PAN2: variants seen among roughly 807,000 people sequenced by gnomAD.
The protein encoded by PAN2 is poly(A) specific ribonuclease subunit PAN2.
Under a neutral mutation model 133.3 loss-of-function variants are expected in PAN2, and 68 were observed. The observed-to-expected ratio is 0.51, with a 90% CI of 0.42 to 0.62. The LOEUF is 0.62. Ranked by LOEUF, PAN2 falls within the 20% of genes least tolerant of loss-of-function variation. The probability of loss-of-function intolerance (pLI) is 0.00; values close to 1 mark genes in which losing one functional copy is unlikely to be tolerated. For missense variants in PAN2, 1,042 were observed against 1,500.5 expected (o/e 0.69, Z 5.05); for synonymous variants, 462 against 544.6 (o/e 0.85, Z 2.11).
At chr12:56,332,539 G>A (rs933895218) in intron 2 of PAN2, among the ~76,000 whole-genome samples, 1 of 149,362 alleles carries the variant, frequency 6.7e-6, no homozygotes, top group Admixed American at 6.7e-5. Flanking sequence ...AGGCTGCAGT[G>A]AGCCATGATC....
rs1393715376 is a variant in PAN2 at position 56,328,056 on chromosome 12, G to A, written c.590C>T (p.Pro197Leu). ...QETQKYAVETPGVTIMRQTNR... is the reference protein window; with the variant it reads ...QETQKYAVETLGVTIMRQTNR... ...TGTCTGTCTCATGATGGTGACTCCA[G>A]GCGTCTCTACTGCATACTGGAGAGG... Residue 197 changes from proline to leucine, a missense_variant, in exon 5 of 26, where the codon CCT (proline) becomes CTT (leucine). Around this residue, in one of 3 missense-constraint regions of PAN2, gnomAD observed 908 missense variants for 1,223.5 expected, o/e 0.74. Coordinates refer to ENST00000440411, the MANE Select transcript of PAN2 (RefSeq NM_014871.6). 1 of 1,613,836 alleles carries A rather than the reference G, an allele frequency of 6.2e-7. No homozygotes were observed. Among genetic ancestry groups the A allele is most frequent in the African/African-American group, 1.3e-5 (1 of 74,916 alleles).
Position 56,319,504 on chromosome 12 carries a change from G to T in PAN2, c.3091-17C>A, listed in dbSNP as rs1311422388. 1 of 1,605,840 alleles carries T rather than the reference G, an allele frequency of 6.2e-7. No homozygotes were observed. The highest frequency in any genetic ancestry group is 1.1e-5 in the South Asian group (1 of 90,308). On this transcript the variant is annotated splice_polypyrimidine_tract_variant and intron_variant, in intron 22 of 25. Coordinates refer to ENST00000440411, the MANE Select transcript of PAN2 (RefSeq NM_014871.6). This position sits in a 1 kb window ranked among gnomAD's most constrained non-coding sequence, Gnocchi z 5.4. ...ATCCACCACCTAGGAATAGAGAAAA[G>T]GACAAGCCTTTTTCAGGAAGTGAGA... is the stretch of plus-strand genomic sequence containing the variant.
At chr12:56,321,457 G>A (rs1053437816) in intron 20 of PAN2, among the ~76,000 whole-genome samples, 9 of 149,902 alleles carry the variant, frequency 6.0e-5, no homozygotes, top group Non-Finnish European at 1.2e-4. Context: ...TTGAACTCTT[G>A]AGCTCAAGTG....
chr12:56,326,178 T>C, intron 8 of PAN2, 135 bp downstream of exon 8: 4 of 751,160 alleles, frequency 5.3e-6, no homozygotes, highest in Non-Finnish European at 8.2e-6. Context: ...GAATCCTCCC[T>C]AACACCTAGC....
chr12:56,321,505 A>G (rs1365404489), intron 20 of PAN2, among the ~76,000 whole-genome samples: 1 of 149,602 alleles, frequency 6.7e-6, no homozygotes. Flanking sequence ...CTGGGATTAC[A>G]GGCCATAAGC....
chr12:56,319,929 G>C lies in PAN2; in HGVS notation c.2881C>G (p.Leu961Val), dbSNP rs202174999. Residue 961 changes from leucine (L) to valine (V), a missense_variant, in exon 21 of 26, where the codon CTG (leucine) becomes GTG (valine). Transcript: ENST00000440411. The surrounding 1 kb of genome is among the most constrained non-coding windows in gnomAD (Gnocchi z 5.4). ...KTHTTFIPLM[L>V]NEMPQIGDLV... is the part of the protein sequence containing the mutation. ...TCCCCAATCTGTGGCATCTCATTCA[G>C]CATCAGTGGAATAAAGGTAGTATGT... The C allele has an allele frequency of 9.3e-6, 15 of 1,614,204 alleles. No homozygotes were observed. The East Asian group carries it at 3.1e-4, about 34-fold the overall frequency.
chr12:56,328,107 A>G (rs1875324689), intron 4 of PAN2, 35 bp from the exon 5 acceptor site: 2 of 1,612,250 alleles, frequency 1.2e-6, no homozygotes, highest in African/African-American at 2.7e-5. Context: ...AGTGAGAAGA[A>G]TGATTTTTCC....
rs759123582 is a variant in PAN2, at chr12:56,332,998, G to C, written c.97C>G (p.Leu33Val). Residue 33 changes from leucine (L) to valine (V), a missense_variant, in exon 2 of 26, where the codon CTG becomes GTG. Around this residue, in one of 3 missense-constraint regions of PAN2, gnomAD observed 908 missense variants for 1,223.5 expected, o/e 0.74. Transcript: ENST00000440411. ...PVLDAHLNPS[L>V]LQNVELDPEG... ...GGGTCCAGCTCCACATTCTGTAGCA[G>C]ACTTGGGTTCAGGTGGGCATCCAAG... 1.9e-6 allele frequency: 3 copies of C among 1,614,210 alleles called. No homozygotes were observed. Among genetic ancestry groups the C allele is most frequent in the Non-Finnish European group, 8.5e-7 (1 of 1,180,042 alleles).
chr12:56,322,375 C>T (rs370196299), intron 19 of PAN2, 48 bp downstream of exon 19: 10 of 1,472,310 alleles, frequency 6.8e-6, no homozygotes, highest in East Asian at 2.3e-5. Context: ...GATAAGGATG[C>T]TAGGAAAAGG....
chr12:56,328,300 C>G lies in PAN2; in HGVS notation c.511G>C (p.Val171Leu). Residue 171 changes from valine (V) to leucine (L), a missense_variant, in exon 4 of 26, where the codon GTT (valine) becomes CTT (leucine). Val to Leu is a conservative substitution (Grantham distance 32). Coordinates refer to ENST00000440411, the MANE Select transcript of PAN2 (RefSeq NM_014871.6). ...LLLTDSSTLLVGGLQNHIIEI... is the reference protein window; with the variant it reads ...LLLTDSSTLLLGGLQNHIIEI... ...ATTATGTGATTCTGCAGCCCACCAA[C>G]GAGTAGAGTGCTGCTGTCAGTCAGT... 1 of 1,609,778 alleles carries G rather than the reference C, an allele frequency of 6.2e-7. No individual in the cohort carries two copies. Among genetic ancestry groups the G allele is most frequent in the Middle Eastern group, 1.7e-4 (1 of 6,048 alleles).
At position 56,326,394 on chromosome 12, in the gene PAN2, C is replaced by T. The variant is rs1875131340; in HGVS notation, c.1278G>A (p.Val426=). The T allele has an allele frequency of 1.3e-6, 2 of 1,595,920 alleles. No homozygotes were observed. The highest frequency in any genetic ancestry group is 1.3e-5 in the African/African-American group (1 of 74,790). The change falls in exon 8 of 26, where the codon GTG becomes GTA. Residue 426 remains valine, a synonymous_variant. Coordinates refer to ENST00000440411, the MANE Select transcript of PAN2 (RefSeq NM_014871.6). ...SAPAPRRAPP[V]DAEILRTMKK... is the part of the protein sequence containing the mutation. Reference sequence around the variant, plus strand: ...TCATGGTGCGCAGAATCTCTGCATCCACGGGTGGTGCTCGCCTACAATCCA... The same window carrying T: ...TCATGGTGCGCAGAATCTCTGCATCTACGGGTGGTGCTCGCCTACAATCCA...
chr12:56,330,353 CTTTTTTTTTTTTTTTTTTT>C (rs10525866), intron 2 of PAN2, among the ~76,000 whole-genome samples: 1 of 92,622 alleles, frequency 1.1e-5, no homozygotes, highest in African/African-American at 4.3e-5. Flanking sequence ...CTGTATTTTT[CTTTTTTTTTTTTTTTTTTT>C]TTTTTGAGAC....
intron 25 of PAN2, 24 bp downstream of exon 25, chr12:56,318,213 C>T: frequency 6.3e-7 from 1 of 1,594,262 alleles, no homozygotes; most frequent in Non-Finnish European, 8.6e-7. Flanking sequence ...AGTCCAGTTT[C>T]CCTTGTCCCA....
In PAN2 at chr12:56,325,390, G is replaced by A. The variant is rs1190282892; in HGVS notation, c.1424C>T (p.Pro475Leu). ...FDSFSQVTES[P>L]VGREEEPHLH... ...ATGTGGTTCCTCTTCTCGTCCTACT[G>A]GTGACTCAGTGACCTGGCTGAAGCT... Residue 475 changes from proline (P) to leucine (L), a missense_variant, in exon 9 of 26, where the codon CCA becomes CTA. Coordinates refer to ENST00000440411, the MANE Select transcript of PAN2 (RefSeq NM_014871.6). 6.2e-7 allele frequency: 1 copy of A among 1,614,114 alleles called. No homozygotes were observed. Among genetic ancestry groups the A allele is most frequent in the Non-Finnish European group, 8.5e-7 (1 of 1,179,982 alleles).
At chr12:56,321,586 C>A (rs1225222802) in intron 20 of PAN2, among the ~76,000 whole-genome samples, 1 of 149,696 alleles carries the variant, frequency 6.7e-6, no homozygotes, top group African/African-American at 2.5e-5. Context: ...TGTAGTTGCT[C>A]ACGCCTGTAA....
chr12:56,329,808 G>A (rs1430344226), intron 2 of PAN2, among the ~76,000 whole-genome samples: 2 of 151,846 alleles, frequency 1.3e-5, no homozygotes, highest in South Asian at 2.1e-4. Flanking sequence ...GCTGAGCATG[G>A]TGGCACACAC....
intron 2 of PAN2, among the ~76,000 whole-genome samples, chr12:56,332,071 TAC>T (rs1279482896): frequency 2.0e-5 from 3 of 152,174 alleles, no homozygotes; most frequent in Admixed American, 1.3e-4. Context: ...GCAATACGGG[TAC>T]AGATTTTAAA....
intron 8 of PAN2, 28 bp downstream of exon 8, chr12:56,326,285 C>T (rs1470661378): frequency 4.5e-6 from 7 of 1,550,030 alleles, no homozygotes; most frequent in African/African-American, 1.4e-5. Context: ...GGGCCGGGGT[C>T]GGGGCTGACC....
intron 20 of PAN2, among the ~76,000 whole-genome samples, chr12:56,321,418 A>T (rs910521180): frequency 6.7e-6 from 1 of 150,162 alleles, no homozygotes; most frequent in Non-Finnish European, 1.5e-5. Flanking sequence ...TTGTAGAGAC[A>T]GGGTTTCACC....
Sources: gnomAD v4.1 joint callset for allele counts (sites outside exome capture counted in the v4.1 genomes callset) on GRCh38, gnomAD v4.1.1 for gene constraint, gnomAD v4.1.1 regional missense constraint, Gnocchi (gnomAD v3.1) non-coding constraint, MANE v1.5 for transcripts, NCBI Gene and HGNC (gene_info 2026-07-23, HGNC 2026-07-21) for gene names.